CX3CR1: variants seen among roughly 807,000 people sequenced by gnomAD.
CX3CR1 encodes the protein CX3C chemokine receptor 1.
For synonymous variants in CX3CR1, 168 were observed against 178.5 expected, an observed-to-expected ratio of 0.94 and a Z score of 0.47; for missense variants, 363 against 432.4, an observed-to-expected ratio of 0.84 and a Z score of 1.42.
chr3:39,281,615 G>A, upstream of CX3CR1: 2 of 1,598,958 alleles, frequency 1.3e-6, no homozygotes, highest in Non-Finnish European at 1.7e-6. Context: ...TTACCCCACT[G>A]GCCATTCTCC....
At chr3:39,273,836 A>G (rs1575209345) in intron 1 of CX3CR1, among the ~76,000 whole-genome samples, 1 of 152,076 alleles carries the variant, frequency 6.6e-6, no homozygotes, top group African/African-American at 2.4e-5. Flanking sequence ...TACTATGTTG[A>G]CCAGGCTGGT....
Position 39,265,291 on chromosome 3 carries a change from C to T in CX3CR1, c.*151G>A. ...TTGTTCATTCTTCAAATTTTGAGCA[C>T]AATTCTCAACAACACTCTAGGGTTG... On this transcript the variant is annotated 3_prime_UTR_variant, in exon 2 of 2. Coordinates refer to ENST00000399220, the MANE Select transcript of CX3CR1 (RefSeq NM_001337.4). The T allele has an allele frequency of 1.1e-5, 8 of 704,088 alleles. No homozygotes were observed. The South Asian group carries it at 1.5e-4, about 13-fold the overall frequency. 43.6% of individuals were successfully genotyped at this position (704,088 alleles called of 1,614,324 possible).
At chr3:39,290,042 T>C in the CX3CR1 span, among the ~76,000 whole-genome samples, 5 of 152,176 alleles carry the variant, frequency 3.3e-5, no homozygotes, top group South Asian at 6.2e-4. Context: ...TTTCTCATAG[T>C]TTGTGGGCTG....
upstream of CX3CR1, chr3:39,280,119 G>T: frequency 3.1e-6 from 3 of 967,612 alleles, no homozygotes; most frequent in South Asian, 1.4e-4. Context: ...ATCTTTAGAT[G>T]CTGCCACAGG....
chr3:39,288,834 GC>G, the CX3CR1 span, among the ~76,000 whole-genome samples: 1 of 152,176 alleles, frequency 6.6e-6, no homozygotes, highest in Non-Finnish European at 1.5e-5. Flanking sequence ...GTGGCTTAGG[GC>G]GAGATATTTC....
rs2040658081 is a variant in CX3CR1, at chr3:39,264,052, A to T, written c.*1390T>A. 1 of 152,254 alleles carries T rather than the reference A, an allele frequency of 6.6e-6. No individual in the cohort carries two copies. Among genetic ancestry groups the T allele is most frequent in the African/African-American group, 2.4e-5 (1 of 41,458 alleles). 9.4% of individuals were successfully genotyped at this position (152,254 alleles called of 1,614,324 possible). On this transcript the variant is annotated 3_prime_UTR_variant, in exon 2 of 2. Coordinates refer to ENST00000399220, the MANE Select transcript of CX3CR1 (RefSeq NM_001337.4). ...TGATGGGGTATTTTCCCAGATGGGC[A>T]GGGGCTTGCCACAAGGTGACTGGGA...
In CX3CR1 at chr3:39,265,275, C is replaced by A; in HGVS notation, c.*167G>T. The A allele has an allele frequency of 1.6e-6, 1 of 627,332 alleles. No individual in the cohort carries two copies. The highest frequency in any genetic ancestry group is 2.7e-6 in the Non-Finnish European group (1 of 371,868). 38.9% of individuals were successfully genotyped at this position (627,332 alleles called of 1,614,324 possible). On this transcript the variant is annotated 3_prime_UTR_variant, in exon 2 of 2. Coordinates refer to ENST00000399220, the MANE Select transcript of CX3CR1 (RefSeq NM_001337.4). ...ATTCAAAGAGTTCAATTTGTTCATTCTTCAAATTTTGAGCACAATTCTCAA... is the reference window on the plus strand; with the variant it reads ...ATTCAAAGAGTTCAATTTGTTCATTATTCAAATTTTGAGCACAATTCTCAA...
intron 1 of CX3CR1, among the ~76,000 whole-genome samples, chr3:39,270,143 C>T (rs2040759737): frequency 6.6e-6 from 1 of 152,196 alleles, no homozygotes; most frequent in African/African-American, 2.4e-5. Flanking sequence ...CAAATCCTGG[C>T]AGGGGAGAAG....
intron 1 of CX3CR1, among the ~76,000 whole-genome samples, chr3:39,276,331 T>C (rs2065513465): frequency 6.6e-6 from 1 of 152,238 alleles, no homozygotes; most frequent in African/African-American, 2.4e-5. Context: ...GGGAGTCCTT[T>C]CTGGCATACT....
intron 1 of CX3CR1, among the ~76,000 whole-genome samples, chr3:39,274,013 T>C (rs1406887733): frequency 6.6e-6 from 1 of 152,242 alleles, no homozygotes; most frequent in Non-Finnish European, 1.5e-5. Flanking sequence ...CCCAGCAGCC[T>C]GCCCAGGGAA....
At chr3:39,284,317 A>G (rs2040930323), upstream of CX3CR1, among the ~76,000 whole-genome samples, 1 of 152,058 alleles carries the variant, frequency 6.6e-6, no homozygotes, top group Admixed American at 6.6e-5. Flanking sequence ...GCCTGCTACC[A>G]CATCTGGCTA....
At chr3:39,285,491 A>C (rs2040937425), upstream of CX3CR1, among the ~76,000 whole-genome samples, 1 of 152,170 alleles carries the variant, frequency 6.6e-6, no homozygotes, top group Non-Finnish European at 1.5e-5. Context: ...ATCTGTGGCA[A>C]TTTTCAGGTT....
chr3:39,272,570 T>C (rs1186754780), intron 1 of CX3CR1, among the ~76,000 whole-genome samples: 3 of 152,236 alleles, frequency 2.0e-5, no homozygotes. Flanking sequence ...TCTTTTATGT[T>C]GCTTTCTCCC....
At chr3:39,291,159 C>T in the CX3CR1 span, among the ~76,000 whole-genome samples, 7 of 151,566 alleles carry the variant, frequency 4.6e-5, no homozygotes, top group African/African-American at 1.7e-4. Context: ...CGGGTTCAAG[C>T]AATTCTCCTG....
chr3:39,285,333 C>T (rs1393708152), upstream of CX3CR1, among the ~76,000 whole-genome samples: 1 of 152,022 alleles, frequency 6.6e-6, no homozygotes, highest in Admixed American at 6.5e-5. Flanking sequence ...GAGCAGTGAT[C>T]CTGCCACTGT....
upstream of CX3CR1, among the ~76,000 whole-genome samples, chr3:39,285,834 G>T (rs1253563993): frequency 2.0e-5 from 3 of 152,168 alleles, no homozygotes; most frequent in Non-Finnish European, 4.4e-5. Flanking sequence ...AAATACACAG[G>T]TAATTCAAAT....
chr3:39,285,411 G>A (rs2040936980), upstream of CX3CR1, among the ~76,000 whole-genome samples: 1 of 152,058 alleles, frequency 6.6e-6, no homozygotes, highest in Admixed American at 6.6e-5. Context: ...GAAAGTTGGA[G>A]AGGAGTAAAT....
At chr3:39,290,794 G>A in the CX3CR1 span, among the ~76,000 whole-genome samples, 2 of 151,910 alleles carry the variant, frequency 1.3e-5, no homozygotes, top group Non-Finnish European at 2.9e-5. Flanking sequence ...GGTGGTGGGC[G>A]CCTGTAATCC....
upstream of CX3CR1, chr3:39,281,254 GA>G: frequency 6.6e-6 from 7 of 1,061,232 alleles, no homozygotes; most frequent in Non-Finnish European, 8.0e-6. Flanking sequence ...CCTTTGGCCA[GA>G]AGGCCACAGG....
Sources: allele counts gnomAD v4.1 joint callset (sites outside exome capture counted in the v4.1 genomes callset), GRCh38; gene constraint gnomAD v4.1.1; transcripts MANE v1.5; gene names NCBI Gene and HGNC (gene_info 2026-07-23, HGNC 2026-07-21).